Variants in PDE3B observed in about 807,000 individuals in gnomAD.
PDE3B encodes phosphodiesterase 3B.
A neutral mutation model predicts 116.8 loss-of-function variants in PDE3B; 66 were observed. The observed-to-expected ratio is 0.56, with a 90% CI of 0.46 to 0.69. The LOEUF (loss-of-function observed/expected upper bound fraction) is 0.69. PDE3B is among the 30% of genes least tolerant of loss of function. The probability of loss-of-function intolerance (pLI) is 0.00; values close to 1 mark genes in which losing one functional copy is unlikely to be tolerated. For missense variants in PDE3B, 1,384 were observed against 1,368.1 expected, an observed-to-expected ratio of 1.01 and a Z score of -0.18; for synonymous variants, 595 against 533.6, an observed-to-expected ratio of 1.12 and a Z score of -1.59.
intron 12 of PDE3B, among the ~76,000 whole-genome samples, chr11:14,844,777 C>T (rs926982636): frequency 6.6e-6 from 1 of 152,224 alleles, no homozygotes; most frequent in African/African-American, 2.4e-5. Flanking sequence ...AGCAGCAAGG[C>T]TGGGGAAAGG....
At chr11:14,769,084 T>A (rs1397377939) in intron 1 of PDE3B, among the ~76,000 whole-genome samples, 3 of 151,420 alleles carry the variant, frequency 2.0e-5, no homozygotes, top group African/African-American at 7.2e-5. Context: ...GTTTTCATCC[T>A]AGAGAAAGTG....
chr11:14,896,633 C>T, the PDE3B span, among the ~76,000 whole-genome samples: 3 of 152,090 alleles, frequency 2.0e-5, no homozygotes, highest in African/African-American at 7.2e-5. Flanking sequence ...TAGTCTGCAC[C>T]AAACAACCAG....
At position 14,869,715 on chromosome 11, in the gene PDE3B, A is replaced by G. The variant is rs1555008747; in HGVS notation, c.*55A>G. On this transcript the variant is annotated 3_prime_UTR_variant, in exon 16 of 16. Coordinates refer to ENST00000282096, the MANE Select transcript of PDE3B (RefSeq NM_000922.4). ...TGAAGAAGCCCAGAGGGTTGTGCCC[A>G]GGGGCAGAAATCATTGCCTAGTGTT... is the stretch of plus-strand genomic sequence containing the variant. 19 of 1,463,050 alleles carry G rather than the reference A, an allele frequency of 1.3e-5. No individual in the cohort carries two copies. The South Asian group carries it at 2.1e-4, about 16-fold the overall frequency. The allele number at this position is 1,463,050 out of a possible 1,614,324, so 90.6% of individuals were successfully genotyped here.
chr11:14,674,202 A>C, intron 1 of PDE3B: 1 of 1,258,414 alleles, frequency 7.9e-7, no homozygotes. Flanking sequence ...CTCCATTTCC[A>C]GGGGTTTTCT....
chr11:14,739,043 C>T (rs1392688301), intron 1 of PDE3B, among the ~76,000 whole-genome samples: 1 of 152,198 alleles, frequency 6.6e-6, no homozygotes, highest in Non-Finnish European at 1.5e-5. Flanking sequence ...TGTGATGCCT[C>T]CAGCTTTGTT....
chr11:14,724,110 TAA>T (rs1459917182), intron 1 of PDE3B, among the ~76,000 whole-genome samples: 2,358 of 152,196 alleles, frequency 0.015, 58 homozygotes, highest in African/African-American at 0.054. Context: ...AAAGATGGAC[TAA>T]GGTATTGGCA....
intron 1 of PDE3B, among the ~76,000 whole-genome samples, chr11:14,661,228 A>T (rs889151506): frequency 5.3e-5 from 8 of 152,262 alleles, no homozygotes; most frequent in African/African-American, 1.9e-4. Context: ...ACATATGTTT[A>T]TTGTGGCAGT....
Position 14,870,283 on chromosome 11 carries a change from T to G in PDE3B, c.*623T>G, listed in dbSNP as rs1414190976. The G allele has an allele frequency of 6.6e-6, 1 of 152,614 alleles. No homozygotes were observed. The highest frequency in any genetic ancestry group is 1.5e-5 in the Non-Finnish European group (1 of 68,054). 9.5% of individuals were successfully genotyped at this position (152,614 alleles called of 1,614,324 possible). Reference sequence around the variant, plus strand: ...CCAGGTGCATCAATTTCTGATGCTTTTTACTATTGTGTATTATCTACTATG... The same window carrying G: ...CCAGGTGCATCAATTTCTGATGCTTGTTACTATTGTGTATTATCTACTATG... On this transcript the variant is annotated 3_prime_UTR_variant, in exon 16 of 16. Transcript: ENST00000282096. The surrounding 1 kb of genome is among the most constrained non-coding windows in gnomAD (Gnocchi z 4.1).
intron 4 of PDE3B, among the ~76,000 whole-genome samples, chr11:14,789,927 G>T (rs2133919799): frequency 6.6e-6 from 1 of 152,082 alleles, no homozygotes; most frequent in East Asian, 1.9e-4. Context: ...TGATCCTTGT[G>T]TGAGTTTGTC....
intron 1 of PDE3B, among the ~76,000 whole-genome samples, chr11:14,751,016 G>A (rs1421127905): frequency 2.0e-5 from 3 of 152,088 alleles, no homozygotes; most frequent in African/African-American, 7.2e-5. Flanking sequence ...CAATAGGCAT[G>A]TTGTCTATAT....
rs575779459 is a variant in PDE3B at position 14,860,377 on chromosome 11, T to A, written c.2725-828T>A. Among the ~76,000 whole-genome samples the A allele has an allele frequency of 4.1e-3, 584 of 142,796 alleles. 2 individuals carry two copies. Among genetic ancestry groups the A allele is most frequent in the Middle Eastern group, 0.011 (3 of 264 alleles). 93.7% of individuals were successfully genotyped at this position (142,796 alleles called of 152,430 possible). On this transcript the variant is annotated intron_variant, in intron 13 of 15. Transcript: ENST00000282096. ...CTATGGTGGTGTTCTACATATATAT[T>A]TTTTTTTTTCTGAAAGAGTTTGGTG...
chr11:14,762,228 C>G (rs1039069588), intron 1 of PDE3B, among the ~76,000 whole-genome samples: 1 of 151,906 alleles, frequency 6.6e-6, no homozygotes, highest in African/African-American at 2.4e-5. Flanking sequence ...AAATACTCCT[C>G]CTGCCTGGTA....
chr11:14,866,369 T>G (rs1422964802), intron 14 of PDE3B, among the ~76,000 whole-genome samples: 2 of 152,316 alleles, frequency 1.3e-5, no homozygotes, highest in African/African-American at 4.8e-5. Context: ...TTAAACTTTC[T>G]TCAGATATTG....
At chr11:14,721,381 C>G (rs1008914773) in intron 1 of PDE3B, among the ~76,000 whole-genome samples, 15 of 151,280 alleles carry the variant, frequency 9.9e-5, no homozygotes, top group African/African-American at 3.6e-4. Flanking sequence ...CCTCAGGGAT[C>G]TAGAACTAGA....
intron 5 of PDE3B, among the ~76,000 whole-genome samples, chr11:14,814,683 G>C (rs1463664149): frequency 6.6e-6 from 1 of 152,206 alleles, no homozygotes; most frequent in Non-Finnish European, 1.5e-5. Flanking sequence ...ATAAAGGCCA[G>C]GCATGGTGGC....
chr11:14,806,883 A>G (rs1487667050), intron 5 of PDE3B, among the ~76,000 whole-genome samples: 1 of 151,312 alleles, frequency 6.6e-6, no homozygotes, highest in Non-Finnish European at 1.5e-5. Flanking sequence ...AAAAAAAAGA[A>G]AAAAAAGAAA....
At chr11:14,703,217 A>T (rs1345212607) in intron 1 of PDE3B, among the ~76,000 whole-genome samples, 1 of 151,822 alleles carries the variant, frequency 6.6e-6, no homozygotes, top group Non-Finnish European at 1.5e-5. Context: ...GATTCCATGG[A>T]GTAAATTGAC....
the PDE3B span, chr11:14,892,140 G>A: frequency 8.7e-6 from 14 of 1,611,410 alleles, no homozygotes; most frequent in South Asian, 1.1e-5. Context: ...CTAGCGCGAA[G>A]AGCAGCAGGA....
At chr11:14,812,998 G>A (rs1480692008) in intron 5 of PDE3B, among the ~76,000 whole-genome samples, 2 of 152,148 alleles carry the variant, frequency 1.3e-5, no homozygotes. Context: ...GCCATGTGAG[G>A]ACACGAGAAG....
Sources: gnomAD v4.1 joint callset for allele counts (sites outside exome capture counted in the v4.1 genomes callset) on GRCh38, gnomAD v4.1.1 for gene constraint, Gnocchi (gnomAD v3.1) non-coding constraint, MANE v1.5 for transcripts, NCBI Gene and HGNC (gene_info 2026-07-23, HGNC 2026-07-21) for gene names.